B3GALNT1: variants seen among roughly 807,000 people sequenced by gnomAD.
The protein encoded by B3GALNT1 is beta-1,3-N-acetylgalactosaminyltransferase 1 (Globoside blood group).
A neutral mutation model predicts 27.3 loss-of-function variants in B3GALNT1; 17 were observed. That is an observed-to-expected ratio of 0.62 (90% CI 0.43 to 0.94). The LOEUF (loss-of-function observed/expected upper bound fraction) is 0.94, where lower values mean the gene tolerates loss of function less well. Among genes scored for constraint, B3GALNT1 ranks in the 40% least tolerant of loss-of-function variants. The pLI is 0.00. For missense variants in B3GALNT1, 347 were observed against 390.0 expected (o/e 0.89, Z 0.93); for synonymous variants, 141 against 144.0 (o/e 0.98, Z 0.15).
At position 161,086,777 on chromosome 3, in the gene B3GALNT1, G is replaced by A. The variant is rs766569158; in HGVS notation, c.-23C>T. 1.9e-5 allele frequency: 31 copies of A among 1,612,980 alleles called. No homozygotes were observed. The highest frequency in any genetic ancestry group is 5.3e-5 in the African/African-American group (4 of 74,900). Reference sequence around the variant, plus strand: ...CATCCACAGCAGCTCAGAAGCACGCGAGCCGAAGGTTCTGGAAGAGTTATC... The same window carrying A: ...CATCCACAGCAGCTCAGAAGCACGCAAGCCGAAGGTTCTGGAAGAGTTATC... On this transcript the variant is annotated 5_prime_UTR_variant, in exon 5 of 5. Transcript: ENST00000320474.
At chr3:161,104,121 A>T (rs1732983814) in intron 2 of B3GALNT1, 198 bp downstream of exon 2, 1 of 314,672 alleles carries the variant, frequency 3.2e-6, no homozygotes, top group South Asian at 2.7e-5. Context: ...AGGGGAAAAA[A>T]GTCATAGTCT....
At chr3:161,093,316 CAAT>C (rs1335609053) in intron 4 of B3GALNT1, among the ~76,000 whole-genome samples, 1 of 152,146 alleles carries the variant, frequency 6.6e-6, no homozygotes, top group South Asian at 2.1e-4. Flanking sequence ...ACTTATCAAT[CAAT>C]AAAAATATTT....
At chr3:161,091,461 T>A (rs1725057394) in intron 4 of B3GALNT1, among the ~76,000 whole-genome samples, 1 of 152,142 alleles carries the variant, frequency 6.6e-6, no homozygotes, top group South Asian at 2.1e-4. Context: ...CTGAGTAATA[T>A]GACAAAATCT....
chr3:161,100,722 A>C (rs772838182), intron 4 of B3GALNT1, among the ~76,000 whole-genome samples: 8 of 150,680 alleles, frequency 5.3e-5, no homozygotes, highest in Non-Finnish European at 7.5e-5. Context: ...CTTTAGAAGG[A>C]AAATTTAGCC....
chr3:161,099,476 A>G (rs941542680), intron 4 of B3GALNT1, among the ~76,000 whole-genome samples: 1 of 152,210 alleles, frequency 6.6e-6, no homozygotes, highest in Non-Finnish European at 1.5e-5. Flanking sequence ...CAGACCTTAC[A>G]GTTTAGCTGA....
intron 4 of B3GALNT1, among the ~76,000 whole-genome samples, chr3:161,093,194 C>T (rs1726236466): frequency 6.6e-6 from 1 of 152,096 alleles, no homozygotes; most frequent in Non-Finnish European, 1.5e-5. Flanking sequence ...TGAATATTCC[C>T]AACATAAAGA....
intron 4 of B3GALNT1, among the ~76,000 whole-genome samples, chr3:161,098,382 C>T (rs1245542799): frequency 6.6e-6 from 1 of 152,164 alleles, no homozygotes; most frequent in African/African-American, 2.4e-5. Flanking sequence ...TGCAGCACCT[C>T]TGTTCTTCTT....
At chr3:161,092,784 T>TTTTTC (rs1725952007) in intron 4 of B3GALNT1, among the ~76,000 whole-genome samples, 1 of 148,122 alleles carries the variant, frequency 6.8e-6, no homozygotes, top group African/African-American at 2.5e-5. Context: ...TTTTTTTTTT[T>TTTTTC]GAGATGGAGT....
chr3:161,104,470 A>G, intron 1 of B3GALNT1, 64 bp from the exon 2 acceptor site: 2 of 704,142 alleles, frequency 2.8e-6, no homozygotes, highest in Non-Finnish European at 4.2e-6. Flanking sequence ...TAAATCCAAC[A>G]TTAAGAAGGC....
chr3:161,101,607 A>G (rs1368665394), intron 3 of B3GALNT1, among the ~76,000 whole-genome samples: 1 of 152,112 alleles, frequency 6.6e-6, no homozygotes, highest in African/African-American at 2.4e-5. Context: ...CACATTTCAC[A>G]CCAAACATCA....
intron 4 of B3GALNT1, chr3:161,090,128 G>C (rs1724257038): frequency 6.5e-6 from 1 of 154,406 alleles, no homozygotes; most frequent in African/African-American, 2.4e-5. Context: ...ACTAACAGAA[G>C]AAACCATCCA....
At chr3:161,091,642 G>A (rs373714689) in intron 4 of B3GALNT1, among the ~76,000 whole-genome samples, 2 of 152,218 alleles carry the variant, frequency 1.3e-5, no homozygotes, top group South Asian at 2.1e-4. Context: ...CCTAATAATG[G>A]CCCCAAGGCA....
At chr3:161,091,135 G>A (rs35135616) in intron 4 of B3GALNT1, among the ~76,000 whole-genome samples, 2,607 of 152,138 alleles carry the variant, frequency 0.017, 63 homozygotes, top group African/African-American at 0.058. Context: ...CAGGCATGGT[G>A]GCATGAGCCT....
intron 4 of B3GALNT1, among the ~76,000 whole-genome samples, chr3:161,100,236 ATATTT>A (rs1324705260): frequency 9.8e-5 from 15 of 152,354 alleles, no homozygotes; most frequent in Admixed American, 7.8e-4. Context: ...TCATTTTGGC[ATATTT>A]TAAATTGTTC....
In B3GALNT1 at chr3:161,101,148, C is replaced by T. The variant is rs766026068; in HGVS notation, c.-44G>A. On this transcript the variant is annotated 5_prime_UTR_variant, in exon 4 of 5. Coordinates refer to ENST00000320474, the MANE Select transcript of B3GALNT1 (RefSeq NM_003781.4). ...GCAGAAGCAGACACACCTTTACACT[C>T]GGGGTGAGTAGTCGGAGAGCACCAC... The T allele has an allele frequency of 6.2e-6, 8 of 1,289,584 alleles. No homozygotes were observed. Among genetic ancestry groups the T allele is most frequent in the Non-Finnish European group, 7.1e-6 (7 of 988,818 alleles). The allele number at this position is 1,289,584 out of a possible 1,614,324, so 79.9% of individuals were successfully genotyped here.
chr3:161,100,063 T>C (rs1253977917), intron 4 of B3GALNT1, among the ~76,000 whole-genome samples: 1 of 152,138 alleles, frequency 6.6e-6, no homozygotes, highest in Non-Finnish European at 1.5e-5. Context: ...CCATGGTAGA[T>C]ACTTTCAAAT....
chr3:161,086,576 C>G lies in B3GALNT1; in HGVS notation c.179G>C (p.Arg60Thr). ...MYFYEYEPIY[R>T]QDFHFTLREH... ...TCGAAGTGTGAAGTGAAAGTCTTGT[C>G]TGTAAATCGGCTCATACTCATAGAA... is the stretch of plus-strand genomic sequence containing the variant. The change falls in exon 5 of 5, where the codon AGA becomes ACA. Residue 60 changes from arginine to threonine, a missense_variant. By Grantham distance (71) the Arg-to-Thr change is moderately conservative. Coordinates refer to ENST00000320474, the MANE Select transcript of B3GALNT1 (RefSeq NM_003781.4). 1 of 1,614,150 alleles carries G rather than the reference C, an allele frequency of 6.2e-7. No homozygotes were observed. Among genetic ancestry groups the G allele is most frequent in the South Asian group, 1.1e-5 (1 of 91,072 alleles).
intron 4 of B3GALNT1, among the ~76,000 whole-genome samples, chr3:161,089,549 C>A (rs957700738): frequency 6.6e-6 from 1 of 152,132 alleles, no homozygotes; most frequent in Non-Finnish European, 1.5e-5. Context: ...GTACATTAAC[C>A]TTTACATTGA....
Position 161,085,852 on chromosome 3 carries a change from T to C in B3GALNT1, c.903A>G (p.Gln301=), listed in dbSNP as rs373359279. 5.6e-6 allele frequency: 9 copies of C among 1,614,044 alleles called. No homozygotes were observed. Among genetic ancestry groups the C allele is most frequent in the Admixed American group, 3.3e-5 (2 of 59,992 alleles). Residue 301 remains glutamine, a synonymous_variant, in exon 5 of 5, where the codon CAA becomes CAG. Coordinates refer to ENST00000320474, the MANE Select transcript of B3GALNT1 (RefSeq NM_003781.4). ...FLYRIHLDVC[Q]LRRVIAAHGF... ...CATGGGCTGCAATCACACGTCTCAG[T>C]TGACAGACATCCAAATGGATTCTAT...
Sources: gnomAD v4.1 joint callset for allele counts (sites outside exome capture counted in the v4.1 genomes callset) on GRCh38, gnomAD v4.1.1 for gene constraint, MANE v1.5 for transcripts, NCBI Gene and HGNC (gene_info 2026-07-23, HGNC 2026-07-21) for gene names.